Variants in FMNL3 observed in about 807,000 individuals in gnomAD.
FMNL3 encodes the protein formin like 3.
In FMNL3, 57 loss-of-function variants were observed where a neutral mutation model predicts 119.6. That is an observed-to-expected ratio of 0.48 (90% CI 0.39 to 0.59). The LOEUF is 0.59. Ranked by LOEUF, FMNL3 falls within the 20% of genes least tolerant of loss-of-function variation. The probability of loss-of-function intolerance (pLI) is 0.00; values close to 1 mark genes in which losing one functional copy is unlikely to be tolerated. For synonymous variants in FMNL3, 491 were observed against 507.3 expected (o/e 0.97, Z 0.43); for missense variants, 1,053 against 1,323.5 (o/e 0.80, Z 3.17).
chr12:49,644,990 G>A lies in FMNL3; in HGVS notation c.*825C>T, dbSNP rs1204598589. Reference sequence around the variant, plus strand: ...GTCTGAGGTTTATGTACAGTAAGAGGAAAGGGAGGTGGTACATGTACAAAA... The same window carrying A: ...GTCTGAGGTTTATGTACAGTAAGAGAAAAGGGAGGTGGTACATGTACAAAA... On this transcript the variant is annotated 3_prime_UTR_variant, in exon 26 of 26. Transcript: ENST00000335154. 6.6e-6 allele frequency: 1 copy of A among 150,916 alleles called. No homozygotes were observed. Among genetic ancestry groups the A allele is most frequent in the Non-Finnish European group, 1.5e-5 (1 of 67,942 alleles). The allele number at this position is 150,916 out of a possible 1,614,324, so 9.3% of individuals were successfully genotyped here. A position where few individuals can be genotyped will look rare whatever the true frequency, so the allele number is the denominator to read the frequency against.
intron 1 of FMNL3, among the ~76,000 whole-genome samples, chr12:49,695,455 G>C (rs1321393970): frequency 6.6e-6 from 1 of 152,098 alleles, no homozygotes; most frequent in Non-Finnish European, 1.5e-5. Context: ...CATTTAAGCT[G>C]AGACCATCCC....
At position 49,643,185 on chromosome 12, in the gene FMNL3, G is replaced by T. The variant is rs773059866; in HGVS notation, c.*2630C>A. On this transcript the variant is annotated 3_prime_UTR_variant, in exon 26 of 26. Coordinates refer to ENST00000335154, the MANE Select transcript of FMNL3 (RefSeq NM_175736.5). ...CAGACGAGGGCTTCTGGAGGGCAGA[G>T]AACCTCTGCACTGACATGTATCTGC... 6.2e-7 allele frequency: 1 copy of T among 1,610,968 alleles called. No individual in the cohort carries two copies. The highest frequency in any genetic ancestry group is 1.1e-5 in the South Asian group (1 of 90,736).
chr12:49,638,010 G>A lies in FMNL3; in HGVS notation c.*7805C>T, dbSNP rs935305274. 1.7e-6 allele frequency: 1 copy of A among 585,740 alleles called. No homozygotes were observed. The highest frequency in any genetic ancestry group is 3.0e-6 in the Non-Finnish European group (1 of 328,538). The allele number at this position is 585,740 out of a possible 1,614,324, so 36.3% of individuals were successfully genotyped here. Reference sequence around the variant, plus strand: ...CACAATTTCTACCACAGGAGCTCATGGTCTAATAGGAAGATATACATGAGA... The same window carrying A: ...CACAATTTCTACCACAGGAGCTCATAGTCTAATAGGAAGATATACATGAGA... On this transcript the variant is annotated 3_prime_UTR_variant, in exon 26 of 26. Coordinates refer to ENST00000335154, the MANE Select transcript of FMNL3 (RefSeq NM_175736.5).
intron 6 of FMNL3, among the ~76,000 whole-genome samples, chr12:49,657,414 G>A (rs1225778640): frequency 6.6e-6 from 1 of 152,168 alleles, no homozygotes; most frequent in Non-Finnish European, 1.5e-5. Context: ...CAGGATCCCG[G>A]TTTTATAACC....
chr12:49,648,350 GA>G lies in FMNL3; in HGVS notation c.2518del (p.Ser840ProfsTer9), dbSNP rs1248051555. On this transcript the variant is annotated frameshift_variant and splice_region_variant, in exon 22 of 26. Transcript: ENST00000335154. LOFTEE classifies it high-confidence loss of function. ...LHFVEKAAAV[S>X]LENVLLDVKE... ...CACGTCCAGCAGCACGTTCTCCAGG[GA>G]CACTGGTCACCAAAAGCCTGGCTGA... 1.2e-6 allele frequency: 2 copies of G among 1,610,320 alleles called. No homozygotes were observed. Among genetic ancestry groups the G allele is most frequent in the African/African-American group, 2.7e-5 (2 of 74,814 alleles).
intron 5 of FMNL3, 59 bp downstream of exon 5, chr12:49,661,907 G>C (rs548081741): frequency 6.8e-7 from 1 of 1,464,202 alleles, no homozygotes; most frequent in South Asian, 1.1e-5. Context: ...TATCAAAGTA[G>C]AATGGAACTA....
At chr12:49,646,653 C>A (rs760612637) in intron 25 of FMNL3, 1 of 1,531,534 alleles carries the variant, frequency 6.5e-7, no homozygotes, top group South Asian at 1.2e-5. Flanking sequence ...CGGGCCCCAA[C>A]CTTGGGGGCT....
intron 1 of FMNL3, among the ~76,000 whole-genome samples, chr12:49,683,449 C>T (rs1370081757): frequency 6.6e-6 from 1 of 152,056 alleles, no homozygotes; most frequent in East Asian, 1.9e-4. Flanking sequence ...ATCCTCAATG[C>T]CTCCCTTCTC....
chr12:49,643,518 T>C lies in FMNL3; in HGVS notation c.*2297A>G, dbSNP rs974998628. 2.8e-6 allele frequency: 4 copies of C among 1,405,030 alleles called. No homozygotes were observed. Among genetic ancestry groups the C allele is most frequent in the East Asian group, 4.7e-5 (2 of 42,746 alleles). The allele number at this position is 1,405,030 out of a possible 1,614,324, so 87.0% of individuals were successfully genotyped here. On this transcript the variant is annotated 3_prime_UTR_variant, in exon 26 of 26. Coordinates refer to ENST00000335154, the MANE Select transcript of FMNL3 (RefSeq NM_175736.5). ...ATTGGGAGGGCTGCACCTGTGGAAG[T>C]AGAAAGAACTTCCTCTACCTGCCCA...
At chr12:49,672,864 C>G (rs895994990) in intron 1 of FMNL3, among the ~76,000 whole-genome samples, 4 of 152,166 alleles carry the variant, frequency 2.6e-5, no homozygotes, top group Non-Finnish European at 4.4e-5. Context: ...AAATAGGAAC[C>G]ACCAAAAATT....
In FMNL3 at chr12:49,651,933, C is replaced by G; in HGVS notation, c.1603G>C (p.Asp535His). ...PLPPPPPPLP[D>H]KCPPAPPLPG... Reference sequence around the variant, plus strand: ...GGCTCCCAGGGGTCGTCGTGGTTACCTGGTAATGGGGGAGGTGGAGGGGGC... The same window carrying G: ...GGCTCCCAGGGGTCGTCGTGGTTACGTGGTAATGGGGGAGGTGGAGGGGGC... Residue 535 changes from aspartate (D) to histidine (H), a missense_variant and splice_region_variant, in exon 14 of 26, where the codon GAC (aspartate) becomes CAC (histidine). Asp to His is a moderately conservative substitution (Grantham distance 81). Coordinates refer to ENST00000335154, the MANE Select transcript of FMNL3 (RefSeq NM_175736.5). The G allele has an allele frequency of 6.3e-7, 1 of 1,583,262 alleles. No homozygotes were observed. The highest frequency in any genetic ancestry group is 8.6e-7 in the Non-Finnish European group (1 of 1,161,660).
Position 49,649,905 on chromosome 12 carries a change from G to C in FMNL3, c.2021C>G (p.Pro674Arg), listed in dbSNP as rs777481961. ...CATCAGGCACTCCACGAAGTCCACAGGTAGTGTCTGCAAGTCAAACCTGTG... is the reference window on the plus strand; with the variant it reads ...CATCAGGCACTCCACGAAGTCCACACGTAGTGTCTGCAAGTCAAACCTGTG... ...AIHTFDLQTL[P>R]VDFVECLMRF... is the part of the protein sequence containing the mutation. Residue 674 changes from proline to arginine, a missense_variant, in exon 18 of 26, where the codon CCT becomes CGT. Physicochemically the swap from Pro to Arg is moderately radical, Grantham distance 103. Around this residue, in one of 4 missense-constraint regions of FMNL3, gnomAD observed 445 missense variants for 628.4 expected, o/e 0.71. Coordinates refer to ENST00000335154, the MANE Select transcript of FMNL3 (RefSeq NM_175736.5). The surrounding 1 kb of genome is among the most constrained non-coding windows in gnomAD (Gnocchi z 5.6). 6.2e-7 allele frequency: 1 copy of C among 1,613,856 alleles called. No homozygotes were observed. Among genetic ancestry groups the C allele is most frequent in the East Asian group, 2.2e-5 (1 of 44,888 alleles).
chr12:49,707,102 G>T lies in FMNL3; in HGVS notation c.79C>A (p.Pro27Thr). 1 of 1,601,742 alleles carries T rather than the reference G, an allele frequency of 6.2e-7. No individual in the cohort carries two copies. The highest frequency in any genetic ancestry group is 8.5e-7 in the Non-Finnish European group (1 of 1,175,272). Reference protein sequence around the residue: ...VPLLLPPGKMPMPEPCELEER... With the variant: ...VPLLLPPGKMTMPEPCELEER... Reference sequence around the variant, plus strand: ...TCCAGCTCACAGGGCTCAGGCATCGGCATCTTGCCGGGCGGCAGCAACAAC... The same window carrying T: ...TCCAGCTCACAGGGCTCAGGCATCGTCATCTTGCCGGGCGGCAGCAACAAC... The change falls in exon 1 of 26, where the codon CCG becomes ACG. Residue 27 changes from proline (P) to threonine (T), a missense_variant. Pro to Thr is a conservative substitution (Grantham distance 38). This residue lies in a region of FMNL3 where 264 missense variants were observed against 265.5 expected (regional missense o/e 0.99). Transcript: ENST00000335154.
intron 1 of FMNL3, among the ~76,000 whole-genome samples, chr12:49,686,929 C>T (rs1310491433): frequency 1.3e-5 from 2 of 152,190 alleles, no homozygotes; most frequent in African/African-American, 4.8e-5. Flanking sequence ...TGAGTACTGA[C>T]TCTGATCCCC....
chr12:49,692,277 C>A (rs1043104495), intron 1 of FMNL3, among the ~76,000 whole-genome samples: 6 of 151,764 alleles, frequency 4.0e-5, no homozygotes, highest in Non-Finnish European at 7.4e-5. Context: ...GAAGTTGAGA[C>A]TGTGATCACA....
intron 1 of FMNL3, among the ~76,000 whole-genome samples, chr12:49,705,696 AG>A (rs1458172914): frequency 6.6e-6 from 1 of 152,186 alleles, no homozygotes; most frequent in Non-Finnish European, 1.5e-5. Flanking sequence ...CGATCCCCCG[AG>A]GAGGCTGGGG....
In FMNL3 at chr12:49,642,627, G is replaced by A. The variant is rs1335428927; in HGVS notation, c.*3188C>T. 3.1e-6 allele frequency: 5 copies of A among 1,614,114 alleles called. No homozygotes were observed. Among genetic ancestry groups the A allele is most frequent in the East Asian group, 2.2e-5 (1 of 44,902 alleles). ...ACTCAGCCTTTGAGCAGATCACCCT[G>A]GAGTCGGAGCGGATCCGGCTCTTCC... On this transcript the variant is annotated 3_prime_UTR_variant, in exon 26 of 26. Transcript: ENST00000335154. This position sits in a 1 kb window ranked among gnomAD's most constrained non-coding sequence, Gnocchi z 5.8.
At chr12:49,686,653 T>C (rs1944471609) in intron 1 of FMNL3, among the ~76,000 whole-genome samples, 1 of 151,364 alleles carries the variant, frequency 6.6e-6, no homozygotes, top group African/African-American at 2.4e-5. Flanking sequence ...TAAAAAAGGC[T>C]TGGCTGAGCA....
At chr12:49,678,723 A>C (rs1273709366) in intron 1 of FMNL3, among the ~76,000 whole-genome samples, 1 of 152,164 alleles carries the variant, frequency 6.6e-6, no homozygotes, top group African/African-American at 2.4e-5. Flanking sequence ...TTGGCCTCCC[A>C]AAATTTTAAG....
Sources: gnomAD v4.1 joint callset for allele counts (sites outside exome capture counted in the v4.1 genomes callset) on GRCh38, gnomAD v4.1.1 for gene constraint, gnomAD v4.1.1 regional missense constraint, Gnocchi (gnomAD v3.1) non-coding constraint, MANE v1.5 for transcripts, NCBI Gene and HGNC (gene_info 2026-07-23, HGNC 2026-07-21) for gene names.